The following PCDHGA6 variants were observed in gnomAD, a reference collection of about 807,000 sequenced individuals.
PCDHGA6 encodes protocadherin gamma subfamily A, 6.
A neutral mutation model predicts 60.6 loss-of-function variants in PCDHGA6; 41 were observed. The ratio of observed to expected loss-of-function variants is 0.68; its 90% CI spans 0.53 to 0.88. The LOEUF (loss-of-function observed/expected upper bound fraction) is 0.88. Ranked by LOEUF, PCDHGA6 falls within the 40% of genes least tolerant of loss-of-function variation. The pLI, the probability that PCDHGA6 is intolerant of heterozygous loss-of-function variation, is 0.00. For missense variants in PCDHGA6, 1,312 were observed against 1,203.0 expected, an observed-to-expected ratio of 1.09 and a Z score of -1.34; for synonymous variants, 594 against 524.4, an observed-to-expected ratio of 1.13 and a Z score of -1.81.
chr5:141,465,043 T>C (rs1404714692), intron 1 of PCDHGA6, among the ~76,000 whole-genome samples: 2 of 152,030 alleles, frequency 1.3e-5, no homozygotes, highest in Non-Finnish European at 2.9e-5. Context: ...CAAATGACCC[T>C]ATATATTTTT....
chr5:141,385,081 T>G, intron 1 of PCDHGA6: 1 of 1,614,164 alleles, frequency 6.2e-7, no homozygotes, highest in Non-Finnish European at 8.5e-7. Flanking sequence ...GCTGCAGGCT[T>G]CAGAAGGTGG....
chr5:141,427,712 C>T, intron 1 of PCDHGA6: 2 of 1,051,468 alleles, frequency 1.9e-6, no homozygotes, highest in African/African-American at 1.6e-5. Context: ...GCGCCTCTGA[C>T]CTGGACCTAG....
chr5:141,404,415 T>C, intron 1 of PCDHGA6: 1 of 1,613,844 alleles, frequency 6.2e-7, no homozygotes, highest in Non-Finnish European at 8.5e-7. Context: ...TCTAGAGTTA[T>C]TTACTCCTTG....
intron 1 of PCDHGA6, chr5:141,419,779 G>A (rs1439735185): frequency 1.2e-6 from 2 of 1,614,064 alleles, no homozygotes; most frequent in Non-Finnish European, 8.5e-7. Flanking sequence ...CGGTCCGCCA[G>A]CGCCTGCTAG....
chr5:141,486,578 C>A lies in PCDHGA6; in HGVS notation c.2425-8229C>A, dbSNP rs780578882. 5 of 1,613,610 alleles carry A rather than the reference C, an allele frequency of 3.1e-6. No homozygotes were observed. In the Admixed American group the frequency reaches 6.7e-5, roughly 22 times the overall value. On this transcript the variant is annotated intron_variant, in intron 1 of 3. Coordinates refer to ENST00000517434, the MANE Select transcript of PCDHGA6 (RefSeq NM_018919.3). The surrounding 1 kb of genome is among the most constrained non-coding windows in gnomAD (Gnocchi z 5.0). Reference sequence around the variant, plus strand: ...TGAGGTGTTTGTTCCTGAGAACAATCGCCCAGGGGACCTGCTTTGCTCCCT... The same window carrying A: ...TGAGGTGTTTGTTCCTGAGAACAATAGCCCAGGGGACCTGCTTTGCTCCCT...
At chr5:141,478,708 A>G (rs1394463788) in intron 1 of PCDHGA6, 31 of 1,548,072 alleles carry the variant, frequency 2.0e-5, no homozygotes, top group Non-Finnish European at 2.5e-5. Context: ...TGCCTTTGTG[A>G]GATGGTGGCC....
At chr5:141,392,585 G>A (rs749915419) in intron 1 of PCDHGA6, 4 of 468,068 alleles carry the variant, frequency 8.5e-6, no homozygotes, top group Non-Finnish European at 1.5e-5. Context: ...TGTAAGCGCC[G>A]CTGTTCACCT....
intron 1 of PCDHGA6, among the ~76,000 whole-genome samples, chr5:141,381,826 C>CTTTTTTTTTTTTTTTTTTTTTTTT (rs770630741): frequency 4.0e-5 from 3 of 74,284 alleles, no homozygotes; most frequent in African/African-American, 6.2e-5. Context: ...CTTTCTTCTT[C>CTTTTTTTTTTTTTTTTTTTTTTTT]TTTTTTTTTT....
intron 1 of PCDHGA6, chr5:141,414,109 G>A: frequency 6.3e-7 from 1 of 1,592,288 alleles, no homozygotes; most frequent in Non-Finnish European, 8.6e-7. Context: ...AGAAAATCTA[G>A]ATTATGAAGA....
intron 1 of PCDHGA6, chr5:141,418,934 G>T (rs1163951447): frequency 6.2e-7 from 1 of 1,614,056 alleles, no homozygotes; most frequent in African/African-American, 1.3e-5. Context: ...GATTATGGAG[G>T]ATTCCCCTCC....
chr5:141,393,382 T>C (rs778957877), intron 1 of PCDHGA6: 7 of 1,613,948 alleles, frequency 4.3e-6, no homozygotes, highest in Non-Finnish European at 5.9e-6. Flanking sequence ...AATGGAGCCA[T>C]AAACCCAGAG....
intron 1 of PCDHGA6, chr5:141,427,757 C>A: frequency 7.5e-7 from 1 of 1,340,702 alleles, no homozygotes; most frequent in Non-Finnish European, 1.1e-6. Flanking sequence ...CCATCGTTAC[C>A]ACTGACTTGG....
Position 141,374,051 on chromosome 5 carries a change from C to T in PCDHGA6, c.-33C>T. ...GTGATGCAGATCTGTTCTTCCTCTT[C>T]TTAATCCCAGAGAAGTTCCTAATAA... On this transcript the variant is annotated 5_prime_UTR_variant, in exon 1 of 4. Transcript: ENST00000517434. 1 of 1,476,382 alleles carries T rather than the reference C, an allele frequency of 6.8e-7. No homozygotes were observed. The highest frequency in any genetic ancestry group is 9.0e-7 in the Non-Finnish European group (1 of 1,114,084). 91.5% of individuals were successfully genotyped at this position (1,476,382 alleles called of 1,614,324 possible). A position where few individuals can be genotyped will look rare whatever the true frequency, so the allele number is the denominator to read the frequency against.
rs1253223100 is a variant in PCDHGA6 at position 141,493,049 on chromosome 5, T to C, written c.2425-1758T>C. Among the ~76,000 whole-genome samples the C allele has an allele frequency of 6.6e-6, 1 of 152,188 alleles. No homozygotes were observed. Among genetic ancestry groups the C allele is most frequent in the Non-Finnish European group, 1.5e-5 (1 of 68,032 alleles). Reference sequence around the variant, plus strand: ...GCCCTTATGTGTGAGGAAACTACAATAGTAAAAAACACAAGTTTCTCCAAC... The same window carrying C: ...GCCCTTATGTGTGAGGAAACTACAACAGTAAAAAACACAAGTTTCTCCAAC... On this transcript the variant is annotated intron_variant, in intron 1 of 3. Transcript: ENST00000517434. This position sits in a 1 kb window ranked among gnomAD's most constrained non-coding sequence, Gnocchi z 4.3.
At chr5:141,492,461 G>A (rs1218833302) in intron 1 of PCDHGA6, among the ~76,000 whole-genome samples, 1 of 152,212 alleles carries the variant, frequency 6.6e-6, no homozygotes, top group East Asian at 1.9e-4. Flanking sequence ...CGCGCCTGAG[G>A]GTCCCAGATC....
chr5:141,483,255 GTTTT>G (rs147039946), intron 1 of PCDHGA6, among the ~76,000 whole-genome samples: 7,425 of 152,114 alleles, frequency 0.049, 355 homozygotes, highest in African/African-American at 0.13. Context: ...ATATCATGAG[GTTTT>G]TTTGTTTTAG....
Position 141,374,134 on chromosome 5 carries a change from C to T in PCDHGA6, c.51C>T (p.Leu17=). 4 of 1,605,352 alleles carry T rather than the reference C, an allele frequency of 2.5e-6. No individual in the cohort carries two copies. Among genetic ancestry groups the T allele is most frequent in the Non-Finnish European group, 3.4e-6 (4 of 1,174,470 alleles). Residue 17 remains leucine, a synonymous_variant, in exon 1 of 4, where the codon CTC becomes CTT. Transcript: ENST00000517434. ...AGCGCAGCGAGCAGGTCCTGCTCCT[C>T]ACGCTCCTGGGGACGCTGTGGGGGG... The part of the protein sequence containing the change: ...HPQRSEQVLL[L]TLLGTLWGAA...
In PCDHGA6 at chr5:141,374,203, G is replaced by T. The variant is rs375029709; in HGVS notation, c.120G>T (p.Glu40Asp). The change falls in exon 1 of 4, where the codon GAG becomes GAT. Residue 40 changes from glutamate (E) to aspartate (D), a missense_variant. Transcript: ENST00000517434. Reference protein sequence around the residue: ...QIRYSIPEELEKGSFVGNIVK... With the variant: ...QIRYSIPEELDKGSFVGNIVK... ...GCTACTCTATTCCCGAGGAGCTGGA[G>T]AAAGGCTCCTTCGTAGGCAACATCG... 4.3e-6 allele frequency: 7 copies of T among 1,613,808 alleles called. No homozygotes were observed. The East Asian group carries it at 1.1e-4, about 26-fold the overall frequency.
intron 1 of PCDHGA6, chr5:141,384,592 C>T (rs1780248278): frequency 6.2e-7 from 1 of 1,614,120 alleles, no homozygotes; most frequent in African/African-American, 1.3e-5. Flanking sequence ...GATCCTGTAC[C>T]CGGCCCTCCC....
Sources: allele counts gnomAD v4.1 joint callset (sites outside exome capture counted in the v4.1 genomes callset), GRCh38; gene constraint gnomAD v4.1.1; non-coding constraint Gnocchi (gnomAD v3.1); transcripts MANE v1.5; gene names NCBI Gene and HGNC (gene_info 2026-07-23, HGNC 2026-07-21).